Variants in MEIKIN observed in about 807,000 individuals in gnomAD.
MEIKIN encodes meiosis-specific kinetochore protein.
At chr5:131,860,117 C>T (rs1476945748) in intron 9 of MEIKIN, among the ~76,000 whole-genome samples, 1 of 152,094 alleles carries the variant, frequency 6.6e-6, no homozygotes, top group East Asian at 1.9e-4. Context: ...TTAGAGATTG[C>T]ACTGAATCTA....
At chr5:131,867,202 T>C (rs1197133744) in intron 9 of MEIKIN, among the ~76,000 whole-genome samples, 1 of 152,212 alleles carries the variant, frequency 6.6e-6, no homozygotes, top group African/African-American at 2.4e-5. Flanking sequence ...TTAAAAAAAA[T>C]TAATGAATTT....
intron 11 of MEIKIN, among the ~76,000 whole-genome samples, chr5:131,836,938 C>G (rs1198127326): frequency 1.3e-5 from 2 of 152,084 alleles, no homozygotes; most frequent in African/African-American, 2.4e-5. Flanking sequence ...ATTGCAATCA[C>G]TTTTGGCATC....
chr5:131,866,485 T>C (rs1750387695), intron 9 of MEIKIN, among the ~76,000 whole-genome samples: 1 of 152,220 alleles, frequency 6.6e-6, no homozygotes, highest in Non-Finnish European at 1.5e-5. Flanking sequence ...CAGCAGCAGC[T>C]GTGCTGTGGC....
In MEIKIN at chr5:131,888,697, A is replaced by C. The variant is rs199660156; in HGVS notation, c.704-9649T>G. ...CTGATGGTAGTTTCTTTTGCTGTGC[A>C]GAAGCTCTTTAGTTTAATTAGATCC... On this transcript the variant is annotated intron_variant, in intron 8 of 12. Transcript: ENST00000442687. Among the ~76,000 whole-genome samples the C allele has an allele frequency of 1.0e-3, 158 of 152,188 alleles. 1 individual carries two copies. In the East Asian group the frequency reaches 0.019, roughly 19 times the overall value.
chr5:131,939,491 T>C (rs1425456961), intron 4 of MEIKIN, among the ~76,000 whole-genome samples: 2 of 152,190 alleles, frequency 1.3e-5, no homozygotes, highest in South Asian at 4.1e-4. Flanking sequence ...CCTACAGCTT[T>C]ACAACATTTT....
intron 7 of MEIKIN, among the ~76,000 whole-genome samples, chr5:131,913,829 C>A (rs890492466): frequency 6.6e-6 from 1 of 152,196 alleles, no homozygotes; most frequent in Non-Finnish European, 1.5e-5. Flanking sequence ...TTCCTATTAA[C>A]ATATGTAAGT....
chr5:131,889,341 G>A (rs899611096), intron 8 of MEIKIN, among the ~76,000 whole-genome samples: 3 of 152,190 alleles, frequency 2.0e-5, no homozygotes, highest in Admixed American at 6.5e-5. Flanking sequence ...TCCTACCCAC[G>A]AGCATGGAAT....
rs577486644 is a variant in MEIKIN at position 131,930,817 on chromosome 5, A to G, written c.478+2696T>C. ...CCTCAGTTCAGTGATAGTATTCTTCAGCTCCAAAAATTCCTATTTTGTTCT... is the reference window on the plus strand; with the variant it reads ...CCTCAGTTCAGTGATAGTATTCTTCGGCTCCAAAAATTCCTATTTTGTTCT... On this transcript the variant is annotated intron_variant, in intron 5 of 12. Transcript: ENST00000442687. Among the ~76,000 whole-genome samples the G allele has an allele frequency of 7.2e-5, 11 of 152,244 alleles. No homozygotes were observed. In the South Asian group the frequency reaches 2.3e-3, roughly 32 times the overall value.
At chr5:131,923,495 ATCT>A (rs1751540189) in intron 5 of MEIKIN, among the ~76,000 whole-genome samples, 1 of 149,074 alleles carries the variant, frequency 6.7e-6, no homozygotes, top group South Asian at 2.1e-4. Context: ...CTAAATTTTA[ATCT>A]TTTTTTTTCT....
chr5:131,885,092 G>A (rs989759715), intron 8 of MEIKIN, among the ~76,000 whole-genome samples: 1 of 152,176 alleles, frequency 6.6e-6, no homozygotes, highest in African/African-American at 2.4e-5. Context: ...CCTGCCCAGG[G>A]TCTGGGGGAA....
chr5:131,897,384 G>T (rs1022998145), intron 8 of MEIKIN, among the ~76,000 whole-genome samples: 9 of 152,130 alleles, frequency 5.9e-5, no homozygotes, highest in African/African-American at 2.2e-4. Context: ...ACTTCTCGAG[G>T]AGTATCTTTG....
intron 5 of MEIKIN, among the ~76,000 whole-genome samples, chr5:131,926,600 G>A (rs1349208384): frequency 6.6e-6 from 1 of 152,140 alleles, no homozygotes; most frequent in Non-Finnish European, 1.5e-5. Context: ...AAGAGTTTAA[G>A]AATTAGAATT....
At chr5:131,908,530 G>A (rs1017122647) in intron 8 of MEIKIN, among the ~76,000 whole-genome samples, 2 of 152,102 alleles carry the variant, frequency 1.3e-5, no homozygotes, top group African/African-American at 4.8e-5. Flanking sequence ...AAGACACGAT[G>A]CTCACTTTCA....
chr5:131,845,529 AAAGG>A (rs1372720726), intron 11 of MEIKIN, among the ~76,000 whole-genome samples: 6 of 151,720 alleles, frequency 4.0e-5, no homozygotes, highest in Non-Finnish European at 8.8e-5. Flanking sequence ...TCAAAGAACT[AAAGG>A]AAGATGTGAA....
At chr5:131,840,238 C>T (rs1327996232) in intron 11 of MEIKIN, among the ~76,000 whole-genome samples, 4 of 152,206 alleles carry the variant, frequency 2.6e-5, no homozygotes, top group Non-Finnish European at 4.4e-5. Context: ...CATTGTTAGA[C>T]TAACGGCCTT....
At chr5:131,869,199 G>A (rs1262483459) in intron 9 of MEIKIN, among the ~76,000 whole-genome samples, 2 of 152,102 alleles carry the variant, frequency 1.3e-5, no homozygotes, top group Non-Finnish European at 2.9e-5. Flanking sequence ...TGCATTTGGG[G>A]GTCCAGTTAT....
intron 4 of MEIKIN, among the ~76,000 whole-genome samples, chr5:131,937,694 A>T (rs1751803459): frequency 6.6e-6 from 1 of 152,092 alleles, no homozygotes; most frequent in Non-Finnish European, 1.5e-5. Context: ...AATTCTGAAT[A>T]CGTTTTTCTC....
intron 7 of MEIKIN, among the ~76,000 whole-genome samples, chr5:131,912,692 C>A (rs1364381671): frequency 1.3e-5 from 2 of 152,172 alleles, no homozygotes; most frequent in Non-Finnish European, 1.5e-5. Flanking sequence ...ACCTTCTCGC[C>A]TCTGAATGAA....
At chr5:131,878,566 C>CA (rs914953139) in intron 9 of MEIKIN, among the ~76,000 whole-genome samples, 6 of 144,794 alleles carry the variant, frequency 4.1e-5, no homozygotes, top group South Asian at 4.4e-4. Flanking sequence ...AACTCTGTCT[C>CA]AAAAAAAAAA....
Sources: allele counts gnomAD v4.1 joint callset (sites outside exome capture counted in the v4.1 genomes callset), GRCh38; gene constraint gnomAD v4.1.1; transcripts MANE v1.5; gene names NCBI Gene and HGNC (gene_info 2026-07-23, HGNC 2026-07-21).